The following RBFOX1 variants were observed in gnomAD, a reference collection of about 807,000 sequenced individuals.
RBFOX1 encodes RNA binding protein fox-1 homolog 1.
Under a neutral mutation model 57.7 loss-of-function variants are expected in RBFOX1, and 8 were observed. That is an observed-to-expected ratio of 0.14 (90% CI 0.08 to 0.25). The LOEUF is 0.25. RBFOX1 is among the 10% of genes least tolerant of loss of function. The pLI, the probability that RBFOX1 is intolerant of heterozygous loss-of-function variation, is 1.00. For synonymous variants in RBFOX1, 326 were observed against 222.4 expected (o/e 1.47, Z -4.15); for missense variants, 611 against 548.5 (o/e 1.11, Z -1.14).
chr16:7,094,128 T>A (rs999546605), intron 4 of RBFOX1, among the ~76,000 whole-genome samples: 1 of 151,328 alleles, frequency 6.6e-6, no homozygotes, highest in African/African-American at 2.4e-5. Flanking sequence ...GAGTGGTGTT[T>A]CACTTACCTT....
rs545816119 is a variant in RBFOX1 at position 6,560,578 on chromosome 16, C to T, written c.-63-94025C>T. ...GCAGGGAATGAGTTGAGGGAAGAAGCAAGGTGAGGAGGAGGTGCAAACCAC... is the reference window on the plus strand; with the variant it reads ...GCAGGGAATGAGTTGAGGGAAGAAGTAAGGTGAGGAGGAGGTGCAAACCAC... On this transcript the variant is annotated intron_variant, in intron 2 of 15. Transcript: ENST00000550418. 1.2e-4 allele frequency among the ~76,000 whole-genome samples: 18 copies of T among 152,210 alleles called. No individual in the cohort carries two copies. In the East Asian group the frequency reaches 3.1e-3, roughly 26 times the overall value.
intron 1 of RBFOX1, among the ~76,000 whole-genome samples, chr16:6,125,960 G>A (rs1240360741): frequency 1.3e-5 from 2 of 152,138 alleles, no homozygotes; most frequent in African/African-American, 4.8e-5. Flanking sequence ...TATAAGGAAT[G>A]GGGGGATAGT....
chr16:7,119,194 C>G (rs2066565343), intron 4 of RBFOX1, among the ~76,000 whole-genome samples: 3 of 152,144 alleles, frequency 2.0e-5, no homozygotes, highest in African/African-American at 7.2e-5. Context: ...AGAAATCCCA[C>G]CCACAAGCAA....
intron 2 of RBFOX1, among the ~76,000 whole-genome samples, chr16:6,598,878 G>A (rs1010098710): frequency 2.6e-5 from 4 of 152,088 alleles, no homozygotes; most frequent in South Asian, 2.1e-4. Context: ...TCCAGGAGAT[G>A]GAAGTTACAG....
At chr16:5,435,786 A>G (rs1283648477) in intron 1 of RBFOX1, among the ~76,000 whole-genome samples, 1 of 152,244 alleles carries the variant, frequency 6.6e-6, no homozygotes, top group East Asian at 1.9e-4. Context: ...ATTCTCTGGC[A>G]CATAATTTTT....
At chr16:7,651,120 C>T (rs1246534071) in intron 11 of RBFOX1, among the ~76,000 whole-genome samples, 5 of 152,108 alleles carry the variant, frequency 3.3e-5, no homozygotes, top group Admixed American at 1.3e-4. Context: ...AATAGAAAGA[C>T]GGAATCATTC....
intron 3 of RBFOX1, among the ~76,000 whole-genome samples, chr16:7,035,929 C>T (rs556629461): frequency 6.6e-6 from 1 of 152,120 alleles, no homozygotes; most frequent in Non-Finnish European, 1.5e-5. Flanking sequence ...CCACCACCAC[C>T]CAGCCAACCC....
intron 4 of RBFOX1, among the ~76,000 whole-genome samples, chr16:5,985,983 A>G (rs1181379456): frequency 6.6e-6 from 1 of 151,964 alleles, no homozygotes; most frequent in Non-Finnish European, 1.5e-5. Context: ...CTAGAGAGAC[A>G]TTTATTTTAT....
chr16:6,253,750 A>G (rs781189562), intron 1 of RBFOX1, among the ~76,000 whole-genome samples: 8 of 151,880 alleles, frequency 5.3e-5, no homozygotes, highest in African/African-American at 7.3e-5. Context: ...ATCCATATCT[A>G]TATAAATTTG....
intron 3 of RBFOX1, among the ~76,000 whole-genome samples, chr16:7,007,345 C>T (rs2093360971): frequency 6.6e-6 from 1 of 152,152 alleles, no homozygotes; most frequent in Non-Finnish European, 1.5e-5. Context: ...CTTCTTCTGC[C>T]ATATGTACCT....
chr16:7,383,766 C>G (rs1162446736), intron 4 of RBFOX1, among the ~76,000 whole-genome samples: 1 of 152,076 alleles, frequency 6.6e-6, no homozygotes, highest in African/African-American at 2.4e-5. Flanking sequence ...GTTAAAGTAT[C>G]CCAAGTATGG....
At chr16:7,364,219 C>T (rs546646247) in intron 4 of RBFOX1, among the ~76,000 whole-genome samples, 2 of 152,238 alleles carry the variant, frequency 1.3e-5, no homozygotes, top group East Asian at 1.9e-4. Context: ...TGGGATGTGC[C>T]GGGCTAGCGG....
intron 3 of RBFOX1, among the ~76,000 whole-genome samples, chr16:6,980,966 C>G (rs1014002277): frequency 7.4e-6 from 1 of 135,948 alleles, no homozygotes; most frequent in African/African-American, 2.8e-5. Flanking sequence ...TCCCTTGAAC[C>G]TGGGAAGTGG....
intron 4 of RBFOX1, among the ~76,000 whole-genome samples, chr16:7,403,875 T>G (rs1051226385): frequency 2.0e-5 from 3 of 151,130 alleles, no homozygotes; most frequent in Non-Finnish European, 2.9e-5. Flanking sequence ...TGAATAATAT[T>G]CTAGTACGTA....
chr16:6,515,385 G>A (rs967874777), intron 2 of RBFOX1, among the ~76,000 whole-genome samples: 3 of 152,134 alleles, frequency 2.0e-5, no homozygotes, highest in Non-Finnish European at 4.4e-5. Flanking sequence ...TGAGCATTAC[G>A]TAAAACCAAA....
intron 1 of RBFOX1, among the ~76,000 whole-genome samples, chr16:6,252,056 G>A (rs934062772): frequency 6.6e-6 from 1 of 152,106 alleles, no homozygotes; most frequent in African/African-American, 2.4e-5. Context: ...GCTTGATGGA[G>A]GTTCGTGGCC....
intron 3 of RBFOX1, among the ~76,000 whole-genome samples, chr16:6,787,250 T>C (rs2082122614): frequency 6.6e-6 from 1 of 152,120 alleles, no homozygotes. Flanking sequence ...TGCAGTTCCC[T>C]AACTGATCGG....
intron 4 of RBFOX1, among the ~76,000 whole-genome samples, chr16:7,064,489 G>C (rs983459911): frequency 6.6e-6 from 1 of 151,984 alleles, no homozygotes; most frequent in Non-Finnish European, 1.5e-5. Flanking sequence ...CTTATAAGAA[G>C]AGGAGATTAG....
chr16:7,107,930 A>G (rs1432165385), intron 4 of RBFOX1, among the ~76,000 whole-genome samples: 1 of 151,660 alleles, frequency 6.6e-6, no homozygotes, highest in African/African-American at 2.4e-5. Flanking sequence ...AAAAAGGCAG[A>G]GTTTACCTCT....
Sources: gnomAD v4.1 joint callset for allele counts (sites outside exome capture counted in the v4.1 genomes callset) on GRCh38, gnomAD v4.1.1 for gene constraint, MANE v1.5 for transcripts, NCBI Gene and HGNC (gene_info 2026-07-23, HGNC 2026-07-21) for gene names.